MAML2: variants seen among roughly 807,000 people sequenced by gnomAD.
MAML2 encodes the protein mastermind-like protein 2.
MAML2 carries 22 observed loss-of-function variants against 96.1 expected under a neutral mutation model. That is an observed-to-expected ratio of 0.23 (90% CI 0.16 to 0.33). MAML2 has a LOEUF of 0.33. Among genes scored for constraint, MAML2 ranks in the 10% least tolerant of loss-of-function variants. The pLI is 1.00. For synonymous variants in MAML2, 561 were observed against 521.3 expected, an observed-to-expected ratio of 1.08 and a Z score of -1.04; for missense variants, 1,367 against 1,392.4, an observed-to-expected ratio of 0.98 and a Z score of 0.29.
At chr11:96,231,774 A>G (rs1216296359) in intron 1 of MAML2, among the ~76,000 whole-genome samples, 2 of 152,226 alleles carry the variant, frequency 1.3e-5, no homozygotes, top group African/African-American at 4.8e-5. Flanking sequence ...ATCCAAGCTC[A>G]TCGTACAGAA....
chr11:96,193,683 A>G (rs1861690145), intron 1 of MAML2, among the ~76,000 whole-genome samples: 1 of 152,226 alleles, frequency 6.6e-6, no homozygotes. Context: ...ACAAAAAAAA[A>G]GGAATTTTTT....
intron 1 of MAML2, among the ~76,000 whole-genome samples, chr11:96,291,170 C>A (rs1565274924): frequency 8.5e-6 from 1 of 117,606 alleles, no homozygotes. Context: ...TTGCTGCTCA[C>A]TCTGGAGTGC....
chr11:96,120,043 C>A (rs12794773), intron 1 of MAML2, among the ~76,000 whole-genome samples: 1 of 151,114 alleles, frequency 6.6e-6, no homozygotes, highest in African/African-American at 2.4e-5. Flanking sequence ...CTGCAAGCTC[C>A]GCCTCCCAGG....
chr11:96,138,371 A>G (rs1247063882), intron 1 of MAML2, among the ~76,000 whole-genome samples: 2 of 152,176 alleles, frequency 1.3e-5, no homozygotes, highest in Non-Finnish European at 2.9e-5. Flanking sequence ...AGATCTTTGT[A>G]TAGCTCCTAA....
In MAML2 at chr11:96,240,557, C is replaced by CAACAAAAAAAAAAAAAAAAAAAAAA. The variant is rs568304250; in HGVS notation, c.513+100825_513+100826insTTTTTTTTTTTTTTTTTTTTTTGTT. On this transcript the variant is annotated intron_variant, in intron 1 of 4. Coordinates refer to ENST00000524717, the MANE Select transcript of MAML2 (RefSeq NM_032427.4). ...TGGGCGACAGAGCGAGACTCCGTCT[C>CAACAAAAAAAAAAAAAAAAAAAAAA]AAAAAAAAAAAAAAAAAAAAAAAAA... Among the ~76,000 whole-genome samples, 101 of 51,096 alleles carry CAACAAAAAAAAAAAAAAAAAAAAAA rather than the reference C, an allele frequency of 2.0e-3. 19 individuals carry two copies. Among genetic ancestry groups the CAACAAAAAAAAAAAAAAAAAAAAAA allele is most frequent in the South Asian group, 5.2e-3 (5 of 958 alleles). 33.5% of individuals were successfully genotyped at this position (51,096 alleles called of 152,430 possible).
At chr11:96,143,501 C>T (rs757493389) in intron 1 of MAML2, among the ~76,000 whole-genome samples, 2 of 152,072 alleles carry the variant, frequency 1.3e-5, no homozygotes, top group African/African-American at 2.4e-5. Flanking sequence ...CAGGGATTTC[C>T]GATTTCCATA....
intron 1 of MAML2, among the ~76,000 whole-genome samples, chr11:96,144,764 T>C (rs1367794780): frequency 1.3e-5 from 2 of 152,150 alleles, no homozygotes; most frequent in Non-Finnish European, 2.9e-5. Flanking sequence ...TCTCGGGAAG[T>C]TTTAGAAAAG....
intron 2 of MAML2, among the ~76,000 whole-genome samples, chr11:96,048,150 C>T (rs1858936144): frequency 6.6e-6 from 1 of 152,096 alleles, no homozygotes; most frequent in Non-Finnish European, 1.5e-5. Flanking sequence ...CTAGTTACCT[C>T]AGCACTTCAG....
chr11:96,081,927 AT>A (rs1859534547), intron 2 of MAML2, among the ~76,000 whole-genome samples: 1 of 152,244 alleles, frequency 6.6e-6, no homozygotes, highest in Admixed American at 6.5e-5. Flanking sequence ...TTATATTAAA[AT>A]TCATATAAAA....
At chr11:96,109,885 A>C (rs1253147767) in intron 1 of MAML2, among the ~76,000 whole-genome samples, 1 of 152,228 alleles carries the variant, frequency 6.6e-6, no homozygotes. Flanking sequence ...CATTGGTTGA[A>C]GGAATGAATG....
chr11:96,066,432 G>A (rs1316638609), intron 2 of MAML2, among the ~76,000 whole-genome samples: 2 of 152,160 alleles, frequency 1.3e-5, no homozygotes, highest in Non-Finnish European at 2.9e-5. Flanking sequence ...CAATGTGTGT[G>A]GGAGAAGGGA....
At chr11:96,332,732 C>G (rs186178775) in intron 1 of MAML2, among the ~76,000 whole-genome samples, 17 of 152,286 alleles carry the variant, frequency 1.1e-4, no homozygotes, top group African/African-American at 3.4e-4. Context: ...GTATCAGAAA[C>G]TTAGGTGAAC....
chr11:96,149,700 C>T (rs1489590856), intron 1 of MAML2, among the ~76,000 whole-genome samples: 2 of 152,198 alleles, frequency 1.3e-5, no homozygotes, highest in East Asian at 3.9e-4. Context: ...CGCCACTGCA[C>T]TCCAGCCCAG....
rs182015412 is a variant in MAML2 at position 96,062,745 on chromosome 11, A to G, written c.2139+29147T>C. ...TTTTAACATCTGTTTCAAATGTCAC[A>G]TCACAGAGATGTGGTCACTCCCTTT... On this transcript the variant is annotated intron_variant, in intron 2 of 4. Coordinates refer to ENST00000524717, the MANE Select transcript of MAML2 (RefSeq NM_032427.4). Among the ~76,000 whole-genome samples, 178 of 152,332 alleles carry G rather than the reference A, an allele frequency of 1.2e-3. 3 individuals are homozygous for G. In the East Asian group the frequency reaches 0.026, roughly 22 times the overall value.
chr11:96,055,970 T>A (rs959427869), intron 2 of MAML2, among the ~76,000 whole-genome samples: 1 of 152,232 alleles, frequency 6.6e-6, no homozygotes, highest in African/African-American at 2.4e-5. Context: ...ACCTTTTTTT[T>A]AAAAGGGTCT....
chr11:96,003,648 T>C (rs936739126), intron 2 of MAML2, among the ~76,000 whole-genome samples: 2 of 152,128 alleles, frequency 1.3e-5, no homozygotes, highest in Non-Finnish European at 2.9e-5. Flanking sequence ...AGGGGTAATA[T>C]TTAATAAATT....
intron 1 of MAML2, among the ~76,000 whole-genome samples, chr11:96,116,222 G>A (rs1860238240): frequency 6.6e-6 from 1 of 152,110 alleles, no homozygotes; most frequent in African/African-American, 2.4e-5. Context: ...AATTCTACAT[G>A]CTTTTTATTC....
intron 1 of MAML2, among the ~76,000 whole-genome samples, chr11:96,257,538 A>G (rs1433539451): frequency 1.3e-5 from 2 of 152,210 alleles, no homozygotes; most frequent in Non-Finnish European, 2.9e-5. Flanking sequence ...CTTTCAAGGT[A>G]TTTGTTCAGT....
intron 1 of MAML2, among the ~76,000 whole-genome samples, chr11:96,135,124 T>C (rs1860607823): frequency 6.6e-6 from 1 of 152,208 alleles, no homozygotes; most frequent in African/African-American, 2.4e-5. Context: ...TCCTCATGAA[T>C]GAGTTAATGC....
Sources: allele counts gnomAD v4.1 joint callset (sites outside exome capture counted in the v4.1 genomes callset), GRCh38; gene constraint gnomAD v4.1.1; transcripts MANE v1.5; gene names NCBI Gene and HGNC (gene_info 2026-07-23, HGNC 2026-07-21).